The following ADCY5 variants were observed in gnomAD, a reference collection of about 807,000 sequenced individuals.
ADCY5 encodes adenylate cyclase type 5.
Under a neutral mutation model 119.7 loss-of-function variants are expected in ADCY5, and 30 were observed. The observed-to-expected ratio is 0.25, with a 90% CI of 0.19 to 0.34. ADCY5 has a LOEUF of 0.34. Ranked by LOEUF, ADCY5 falls within the 10% of genes least tolerant of loss-of-function variation. ADCY5 has a pLI of 1.00. For synonymous variants in ADCY5, 753 were observed against 762.2 expected (o/e 0.99, Z 0.20); for missense variants, 1,324 against 1,775.2 (o/e 0.75, Z 4.57).
intron 3 of ADCY5, among the ~76,000 whole-genome samples, chr3:123,334,024 T>G (rs890734306): frequency 3.9e-5 from 6 of 152,132 alleles, no homozygotes; most frequent in Non-Finnish European, 7.3e-5. Flanking sequence ...TGGCTTGTGT[T>G]CCCTAAGTTG....
chr3:123,294,868 G>A (rs72962500), intron 17 of ADCY5, among the ~76,000 whole-genome samples: 6,217 of 152,262 alleles, frequency 0.041, 439 homozygotes, highest in African/African-American at 0.14. Context: ...TACATATGGC[G>A]GTGGGTGATA....
At position 123,448,099 on chromosome 3, in the gene ADCY5, C is replaced by A; in HGVS notation, c.447G>T (p.Thr149=). 1 of 1,159,324 alleles carries A rather than the reference C, an allele frequency of 8.6e-7. No individual in the cohort carries two copies. 71.8% of individuals were successfully genotyped at this position (1,159,324 alleles called of 1,614,324 possible). ...SAAAAASAGG[T]EVRPRSVEVG... is the part of the protein sequence containing the mutation. ...CCTCCACCGAGCGAGGGCGCACCTC[C>A]GTCCCGCCCGCCGAGGCAGCCGCCG... is the stretch of plus-strand genomic sequence containing the variant. The change falls in exon 1 of 21, where the codon ACG becomes ACT. Residue 149 remains threonine (T), a synonymous_variant. Coordinates refer to ENST00000462833, the MANE Select transcript of ADCY5 (RefSeq NM_183357.3).
At chr3:123,321,804 A>C (rs1941232921) in intron 8 of ADCY5, among the ~76,000 whole-genome samples, 1 of 152,208 alleles carries the variant, frequency 6.6e-6, no homozygotes, top group Non-Finnish European at 1.5e-5. Flanking sequence ...CCAGGCACTA[A>C]AATAGACATG....
In ADCY5 at chr3:123,300,250, A is replaced by C. The variant is rs1939766738; in HGVS notation, c.2770T>G (p.Phe924Val). ...VLLSLLACSV[F>V]LQISCIGKLV... ...TTCCCGATGCAGCTGATCTGCAGGA[A>C]CACGGAGCAGGCCAGCAGGCTGAGC... The change falls in exon 15 of 21, where the codon TTC becomes GTC. Residue 924 changes from phenylalanine to valine, a missense_variant. Phe to Val is a conservative substitution (Grantham distance 50). This residue lies in a region of ADCY5 where 424 missense variants were observed against 546.8 expected (regional missense o/e 0.78). Coordinates refer to ENST00000462833, the MANE Select transcript of ADCY5 (RefSeq NM_183357.3). 1 of 1,613,584 alleles carries C rather than the reference A, an allele frequency of 6.2e-7. No homozygotes were observed. Among genetic ancestry groups the C allele is most frequent in the African/African-American group, 1.3e-5 (1 of 74,952 alleles).
intron 1 of ADCY5, among the ~76,000 whole-genome samples, chr3:123,430,190 T>C (rs1559876343): frequency 6.6e-6 from 1 of 152,204 alleles, no homozygotes; most frequent in Non-Finnish European, 1.5e-5. Flanking sequence ...ACTAGACCTG[T>C]TCCTTAAGTC....
chr3:123,351,653 G>C (rs1260967590), intron 2 of ADCY5, among the ~76,000 whole-genome samples: 1 of 152,172 alleles, frequency 6.6e-6, no homozygotes, highest in African/African-American at 2.4e-5. Context: ...CCATGTGTGA[G>C]CCATGACTCA....
chr3:123,393,157 G>T (rs1944443720), intron 1 of ADCY5, among the ~76,000 whole-genome samples: 1 of 152,168 alleles, frequency 6.6e-6, no homozygotes, highest in South Asian at 2.1e-4. Context: ...AAGAGCCCGG[G>T]GTCGAGAGTG....
chr3:123,389,249 A>T (rs1944329924), intron 1 of ADCY5, among the ~76,000 whole-genome samples: 1 of 152,124 alleles, frequency 6.6e-6, no homozygotes, highest in African/African-American at 2.4e-5. Flanking sequence ...TACAGAGAGG[A>T]CAGCAGTGAG....
intron 12 of ADCY5, among the ~76,000 whole-genome samples, chr3:123,305,322 G>A (rs763576042): frequency 8.5e-5 from 13 of 152,192 alleles, no homozygotes; most frequent in Non-Finnish European, 1.8e-4. Flanking sequence ...GACAGCATCT[G>A]CAGTTGGCCA....
At chr3:123,419,609 C>T (rs2107635296) in intron 1 of ADCY5, among the ~76,000 whole-genome samples, 1 of 152,318 alleles carries the variant, frequency 6.6e-6, no homozygotes, top group East Asian at 1.9e-4. Flanking sequence ...CCAGCCTCAA[C>T]TCCTGCCTGC....
intron 3 of ADCY5, among the ~76,000 whole-genome samples, chr3:123,345,549 G>A (rs1314616822): frequency 6.6e-6 from 1 of 152,188 alleles, no homozygotes; most frequent in Admixed American, 6.5e-5. Flanking sequence ...GGAGCTCAGT[G>A]ACTTGGCTCG....
chr3:123,293,491 TGGCA>T (rs1380599176), intron 17 of ADCY5, among the ~76,000 whole-genome samples: 3 of 151,402 alleles, frequency 2.0e-5, no homozygotes, highest in Non-Finnish European at 4.4e-5. Context: ...TGCCACAGGC[TGGCA>T]GGTAGACACA....
At position 123,297,193 on chromosome 3, in the gene ADCY5, C is replaced by A. The variant is rs1048718521; in HGVS notation, c.2930+160G>T. 3.7e-6 allele frequency: 5 copies of A among 1,342,252 alleles called. No individual in the cohort carries two copies. In the African/African-American group the frequency reaches 4.3e-5, roughly 12 times the overall value. The allele number at this position is 1,342,252 out of a possible 1,614,324, so 83.1% of individuals were successfully genotyped here. ...CCAGGGCCTCTGCCCCCCGAGGACG[C>A]CTTGCTACCCCAGGAGGAACCAGCC... On this transcript the variant is annotated intron_variant, in intron 16 of 20. Transcript: ENST00000462833.
intron 1 of ADCY5, among the ~76,000 whole-genome samples, chr3:123,438,154 T>C (rs1384084539): frequency 6.6e-6 from 1 of 152,186 alleles, no homozygotes; most frequent in African/African-American, 2.4e-5. Context: ...AATTGTATCC[T>C]AAAGCGTGTC....
intron 12 of ADCY5, among the ~76,000 whole-genome samples, chr3:123,310,174 A>G (rs955766515): frequency 2.7e-5 from 4 of 149,110 alleles, no homozygotes; most frequent in African/African-American, 9.9e-5. Flanking sequence ...GTTCCCCCAC[A>G]GGGCCTATCT....
intron 1 of ADCY5, among the ~76,000 whole-genome samples, chr3:123,438,869 C>A (rs753833094): frequency 1.2e-4 from 19 of 152,046 alleles, no homozygotes; most frequent in Non-Finnish European, 2.5e-4. Context: ...ACCTCAGCCT[C>A]CCAGGTAGCT....
intron 1 of ADCY5, among the ~76,000 whole-genome samples, chr3:123,433,756 C>T (rs1420144627): frequency 6.6e-6 from 1 of 152,128 alleles, no homozygotes; most frequent in Non-Finnish European, 1.5e-5. Context: ...CCAGCAGCCT[C>T]CTCCCTTCCC....
chr3:123,297,330 C>T (rs1939580055), intron 16 of ADCY5, 23 bp downstream of exon 16: 1 of 1,613,172 alleles, frequency 6.2e-7, no homozygotes, highest in African/African-American at 1.3e-5. Context: ...GGGAGCGACC[C>T]TATCCGAGGA....
intron 19 of ADCY5, 71 bp downstream of exon 19, chr3:123,289,679 T>G (rs1576523251): frequency 1.5e-5 from 23 of 1,547,488 alleles, no homozygotes; most frequent in South Asian, 1.1e-5. Flanking sequence ...CGGTATGGGG[T>G]ATGGGGGAGC....
Sources: gnomAD v4.1 joint callset for allele counts (sites outside exome capture counted in the v4.1 genomes callset) on GRCh38, gnomAD v4.1.1 for gene constraint, gnomAD v4.1.1 regional missense constraint, MANE v1.5 for transcripts, NCBI Gene and HGNC (gene_info 2026-07-23, HGNC 2026-07-21) for gene names.